TTC6: variants seen among roughly 807,000 people sequenced by gnomAD.
The protein encoded by TTC6 is tetratricopeptide repeat domain 6.
A neutral mutation model predicts 210.4 loss-of-function variants in TTC6; 172 were observed. The ratio of observed to expected loss-of-function variants is 0.82; its 90% confidence interval spans 0.72 to 0.93. The LOEUF is 0.93. TTC6 is among the 40% of genes least tolerant of loss of function. TTC6 has a pLI of 0.00. For missense variants in TTC6, 2,414 were observed against 2,318.1 expected (o/e 1.04, Z -0.85); for synonymous variants, 804 against 819.6 (o/e 0.98, Z 0.32).
chr14:37,604,600 C>T (rs1166460784), intron 1 of TTC6, among the ~76,000 whole-genome samples: 1 of 151,994 alleles, frequency 6.6e-6, no homozygotes, highest in African/African-American at 2.4e-5. Context: ...CTCAGAGACC[C>T]CGATCATCGC....
chr14:37,701,079 T>C (rs1316621570), intron 4 of TTC6, among the ~76,000 whole-genome samples: 1 of 152,098 alleles, frequency 6.6e-6, no homozygotes, highest in African/African-American at 2.4e-5. Flanking sequence ...GATCCTGAGA[T>C]GCCTGTAGAC....
intron 1 of TTC6, among the ~76,000 whole-genome samples, chr14:37,657,594 T>C (rs1008228039): frequency 5.3e-5 from 8 of 152,132 alleles, no homozygotes; most frequent in Admixed American, 5.2e-4. Flanking sequence ...GCTTTATGAA[T>C]TGAAAATTAT....
At chr14:37,650,516 G>C (rs1473865464) in intron 1 of TTC6, among the ~76,000 whole-genome samples, 1 of 152,146 alleles carries the variant, frequency 6.6e-6, no homozygotes, top group Non-Finnish European at 1.5e-5. Context: ...TAAAGTGAAA[G>C]TAAATAGCCT....
At chr14:37,604,192 G>A (rs548350321) in intron 1 of TTC6, among the ~76,000 whole-genome samples, 114 of 152,122 alleles carry the variant, frequency 7.5e-4, no homozygotes, top group Non-Finnish European at 1.4e-3. Flanking sequence ...CTGGGCTGCC[G>A]GGGGGCGGAG....
intron 14 of TTC6, among the ~76,000 whole-genome samples, chr14:37,783,017 G>C (rs2096059041): frequency 1.3e-5 from 2 of 152,144 alleles, no homozygotes; most frequent in African/African-American, 4.8e-5. Context: ...ATGTGCTGCT[G>C]GATTCGGTTT....
rs1438884395 is a variant in TTC6, at chr14:37,651,453, TC to T, written c.939+28452del. 1.9e-3 allele frequency among the ~76,000 whole-genome samples: 135 copies of T among 72,462 alleles called. 10 individuals carry two copies. Among genetic ancestry groups the T allele is most frequent in the Non-Finnish European group, 3.8e-3 (116 of 30,394 alleles). 47.5% of individuals were successfully genotyped at this position (72,462 alleles called of 152,430 possible). On this transcript the variant is annotated intron_variant, in intron 1 of 30. Coordinates refer to ENST00000553443, the Ensembl canonical transcript of TTC6. The stretch of plus-strand genomic sequence containing the variant: ...TTTTTTTTTTTTTTTTTTTTTTTTT[TC>T]CATCCATGATTCATTTTTGGGTCAT...
In TTC6 at chr14:37,804,946, A is replaced by G. The variant is rs1190992631; in HGVS notation, c.4164+132A>G. The stretch of plus-strand genomic sequence containing the variant: ...AGCTGCTTATGAAGCTTGGCTTGTT[A>G]TAGTCATTCTGCACCCTGCAACACC... On this transcript the variant is annotated intron_variant, in intron 21 of 30. Transcript: ENST00000553443. 9.9e-6 allele frequency: 9 copies of G among 913,420 alleles called. No homozygotes were observed. In the South Asian group the frequency reaches 1.2e-4, roughly 12 times the overall value. The allele number at this position is 913,420 out of a possible 1,614,324, so 56.6% of individuals were successfully genotyped here.
At chr14:37,633,848 G>A (rs574641186) in intron 1 of TTC6, among the ~76,000 whole-genome samples, 1 of 152,244 alleles carries the variant, frequency 6.6e-6, no homozygotes, top group South Asian at 2.1e-4. Flanking sequence ...AAAACTCCTA[G>A]TCCCACCATG....
intron 1 of TTC6, among the ~76,000 whole-genome samples, chr14:37,643,269 T>A: frequency 6.6e-6 from 1 of 152,062 alleles, no homozygotes. Context: ...GATTGCACCA[T>A]TGCACTCCAG....
chr14:37,630,211 A>C (rs1267557778), intron 1 of TTC6, among the ~76,000 whole-genome samples: 1 of 152,070 alleles, frequency 6.6e-6, no homozygotes, highest in Non-Finnish European at 1.5e-5. Flanking sequence ...TCTCCTGTGG[A>C]CATTTAGTGC....
At chr14:37,637,894 A>T (rs992874489) in intron 1 of TTC6, among the ~76,000 whole-genome samples, 1 of 152,212 alleles carries the variant, frequency 6.6e-6, no homozygotes, top group African/African-American at 2.4e-5. Flanking sequence ...GGAATATAAG[A>T]TGACATAGCC....
chr14:37,788,406 G>A (rs1439459355), intron 15 of TTC6, among the ~76,000 whole-genome samples: 1 of 152,098 alleles, frequency 6.6e-6, no homozygotes, highest in Non-Finnish European at 1.5e-5. Flanking sequence ...GAGATGAAGA[G>A]ACAACTAGAT....
chr14:37,637,167 A>G (rs971542030), intron 1 of TTC6, among the ~76,000 whole-genome samples: 1 of 152,068 alleles, frequency 6.6e-6, no homozygotes, highest in African/African-American at 2.4e-5. Context: ...AAGAAAAAAA[A>G]CCCACCTCAA....
At chr14:37,825,188 G>A (rs1595319055) in intron 27 of TTC6, among the ~76,000 whole-genome samples, 2 of 152,182 alleles carry the variant, frequency 1.3e-5, no homozygotes, top group African/African-American at 4.8e-5. Context: ...GAGCACAACA[G>A]ATGTGGTCTG....
intron 2 of TTC6, among the ~76,000 whole-genome samples, chr14:37,610,515 A>G (rs2095632556): frequency 6.6e-6 from 1 of 152,190 alleles, no homozygotes; most frequent in African/African-American, 2.4e-5. Context: ...ATATTATCTA[A>G]TTGGTTTTTC....
intron 25 of TTC6, among the ~76,000 whole-genome samples, chr14:37,817,203 A>G (rs1595307126): frequency 1.3e-5 from 2 of 152,186 alleles, no homozygotes; most frequent in South Asian, 2.1e-4. Context: ...TTCTGTCTAG[A>G]TAGAGAAGTC....
chr14:37,761,040 A>T (rs756516070), intron 14 of TTC6, among the ~76,000 whole-genome samples: 1 of 152,060 alleles, frequency 6.6e-6, no homozygotes, highest in Non-Finnish European at 1.5e-5. Context: ...GTCTCACTGG[A>T]GTTCCAGGTG....
chr14:37,737,083 A>G (rs1191487951), intron 8 of TTC6, among the ~76,000 whole-genome samples: 1 of 152,108 alleles, frequency 6.6e-6, no homozygotes, highest in Non-Finnish European at 1.5e-5. Flanking sequence ...TGCTGTTTGC[A>G]TCATTATTGT....
intron 1 of TTC6, among the ~76,000 whole-genome samples, chr14:37,659,855 T>TTAGTGA (rs113548402): frequency 0.065 from 9,826 of 152,198 alleles, 408 homozygotes; most frequent in Non-Finnish European, 0.089. Flanking sequence ...TCTCTAATGG[T>TTAGTGA]TAGTAAATTT....
Sources: allele counts gnomAD v4.1 joint callset (sites outside exome capture counted in the v4.1 genomes callset), GRCh38; gene constraint gnomAD v4.1.1; transcripts MANE v1.5; gene names NCBI Gene and HGNC (gene_info 2026-07-23, HGNC 2026-07-21).